Variants in PPFIA2 observed in about 807,000 individuals in gnomAD.
The protein encoded by PPFIA2 is PPFI scaffold protein A2.
PPFIA2 carries 46 observed loss-of-function variants against 175.5 expected under a neutral mutation model. That is an observed-to-expected ratio of 0.26 (90% CI 0.21 to 0.34). PPFIA2 has a LOEUF of 0.34. PPFIA2 is among the 10% of genes least tolerant of loss of function. The pLI is 1.00. For missense variants in PPFIA2, 1,179 were observed against 1,506.1 expected, an observed-to-expected ratio of 0.78 and a Z score of 3.60; for synonymous variants, 568 against 511.4, an observed-to-expected ratio of 1.11 and a Z score of -1.49.
intron 8 of PPFIA2, among the ~76,000 whole-genome samples, chr12:81,395,876 A>G (rs1347739335): frequency 1.3e-5 from 2 of 152,084 alleles, no homozygotes; most frequent in Non-Finnish European, 2.9e-5. Context: ...CTGAATCCAT[A>G]CATATCTCCT....
chr12:81,533,794 T>C (rs2064993072), intron 4 of PPFIA2, among the ~76,000 whole-genome samples: 2 of 151,238 alleles, frequency 1.3e-5, no homozygotes, highest in African/African-American at 4.8e-5. Context: ...AATGTGTGTA[T>C]ATATATGATA....
chr12:81,316,958 G>C (rs183213912), intron 22 of PPFIA2, among the ~76,000 whole-genome samples: 7 of 151,672 alleles, frequency 4.6e-5, no homozygotes, highest in Admixed American at 3.3e-4. Flanking sequence ...ACAGTGCCTG[G>C]AAAGCTATAT....
chr12:81,574,365 T>C (rs2073119789), intron 4 of PPFIA2, among the ~76,000 whole-genome samples: 1 of 151,876 alleles, frequency 6.6e-6, no homozygotes, highest in Non-Finnish European at 1.5e-5. Flanking sequence ...TGAAACATTA[T>C]TGACATTCTC....
chr12:81,267,772 T>A, intron 29 of PPFIA2, 140 bp downstream of exon 29: 3 of 566,932 alleles, frequency 5.3e-6, no homozygotes, highest in East Asian at 4.7e-5. Flanking sequence ...TAGCCTGAAA[T>A]TAAAACCCCA....
At chr12:81,427,830 G>C (rs1328842206) in intron 7 of PPFIA2, among the ~76,000 whole-genome samples, 1 of 151,906 alleles carries the variant, frequency 6.6e-6, no homozygotes, top group Non-Finnish European at 1.5e-5. Flanking sequence ...CGACTTCTTT[G>C]AAAGATACGT....
intron 11 of PPFIA2, among the ~76,000 whole-genome samples, chr12:81,374,303 T>C (rs1207746276): frequency 2.0e-5 from 3 of 152,120 alleles, no homozygotes; most frequent in Middle Eastern, 3.2e-3. Flanking sequence ...GCCTGTTAAA[T>C]TGTTATGTCT....
chr12:81,473,262 G>A (rs1226999616), intron 4 of PPFIA2, among the ~76,000 whole-genome samples: 2 of 152,024 alleles, frequency 1.3e-5, no homozygotes, highest in South Asian at 2.1e-4. Context: ...ACAAAAATTA[G>A]CTGGGCATGA....
intron 5 of PPFIA2, among the ~76,000 whole-genome samples, chr12:81,451,453 C>T (rs1476855875): frequency 1.3e-5 from 2 of 152,014 alleles, no homozygotes; most frequent in African/African-American, 4.8e-5. Context: ...GCAGAGGCTG[C>T]GTGTTTCTGG....
chr12:81,439,148 TCTCTCTCTCTCTCTCTCC>T, intron 7 of PPFIA2, among the ~76,000 whole-genome samples: 1 of 148,262 alleles, frequency 6.7e-6, no homozygotes, highest in Non-Finnish European at 1.5e-5. Context: ...AGGTTAAACT[TCTCTCTCTCTCTCTCTCC>T]CTCTCTCTCT....
At chr12:81,375,639 T>C (rs2036187300) in intron 10 of PPFIA2, 157 bp downstream of exon 10, 2 of 739,832 alleles carry the variant, frequency 2.7e-6, no homozygotes. Context: ...AAAGTAAATT[T>C]CACACTGAAA....
intron 3 of PPFIA2, among the ~76,000 whole-genome samples, chr12:81,707,222 G>C (rs1169734413): frequency 2.6e-5 from 4 of 152,178 alleles, no homozygotes; most frequent in Non-Finnish European, 5.9e-5. Flanking sequence ...ACTACCATCA[G>C]AGTGAACAGG....
chr12:81,369,359 G>T (rs1193279555), intron 11 of PPFIA2, 165 bp from the exon 12 acceptor site: 1 of 1,472,302 alleles, frequency 6.8e-7, no homozygotes, highest in African/African-American at 1.4e-5. Context: ...TGCTTGAAAT[G>T]TGTCAGCTAC....
chr12:81,736,718 G>A (rs1362400418), intron 3 of PPFIA2, among the ~76,000 whole-genome samples: 1 of 151,942 alleles, frequency 6.6e-6, no homozygotes, highest in East Asian at 1.9e-4. Context: ...AAATGGACAT[G>A]TTTATTTTAA....
intron 4 of PPFIA2, among the ~76,000 whole-genome samples, chr12:81,571,286 A>C (rs1006802139): frequency 6.6e-6 from 1 of 152,128 alleles, no homozygotes; most frequent in Admixed American, 6.6e-5. Context: ...TCTTGGCATT[A>C]AACTTGTCTT....
rs955909343 is a variant in PPFIA2 at position 81,742,688 on chromosome 12, A to G, written c.249+11285T>C. Among the ~76,000 whole-genome samples the G allele has an allele frequency of 2.0e-5, 3 of 152,224 alleles. No homozygotes were observed. In the East Asian group the frequency reaches 5.8e-4, roughly 29 times the overall value. ...TATTTAAAGCCAGCAGATGGATGAC[A>G]TTATCAATAGTGTCAATAGAGATAG... On this transcript the variant is annotated intron_variant, in intron 3 of 32. Coordinates refer to ENST00000549396, the MANE Select transcript of PPFIA2 (RefSeq NM_003625.5).
rs996757491 is a variant in PPFIA2 at position 81,277,565 on chromosome 12, G to A, written c.3213-151C>T. ...TGCAGCCAAATCCTTCAGTATTGGA[G>A]GGAAATACATTTATAATTATTCTAA... On this transcript the variant is annotated intron_variant, in intron 27 of 32. Transcript: ENST00000549396. 9 of 823,650 alleles carry A rather than the reference G, an allele frequency of 1.1e-5. No individual in the cohort carries two copies. In the African/African-American group the frequency reaches 1.4e-4, roughly 13 times the overall value. 51.0% of individuals were successfully genotyped at this position (823,650 alleles called of 1,614,324 possible). A position where few individuals can be genotyped will look rare whatever the true frequency, so the allele number is the denominator to read the frequency against.
intron 3 of PPFIA2, among the ~76,000 whole-genome samples, chr12:81,714,552 T>TA (rs2078343285): frequency 6.6e-6 from 1 of 150,988 alleles, no homozygotes; most frequent in Admixed American, 6.8e-5. Flanking sequence ...CGTTGTGAAT[T>TA]ATATTGAATG....
chr12:81,428,874 T>C (rs948065669), intron 7 of PPFIA2, among the ~76,000 whole-genome samples: 1 of 152,042 alleles, frequency 6.6e-6, no homozygotes, highest in Non-Finnish European at 1.5e-5. Flanking sequence ...TCAGACAGTT[T>C]TGCATTATCT....
chr12:81,481,546 A>G lies in PPFIA2; in HGVS notation c.304-23680T>C, dbSNP rs971662652. ...ATGGTACTGGTACCAAAAAAAATACATAGACCAATGGAACAGAACAGAAGC... is the reference window on the plus strand; with the variant it reads ...ATGGTACTGGTACCAAAAAAAATACGTAGACCAATGGAACAGAACAGAAGC... On this transcript the variant is annotated intron_variant, in intron 4 of 32. Coordinates refer to ENST00000549396, the MANE Select transcript of PPFIA2 (RefSeq NM_003625.5). Among the ~76,000 whole-genome samples the G allele has an allele frequency of 3.9e-5, 6 of 152,306 alleles. No homozygotes were observed. In the South Asian group the frequency reaches 8.3e-4, roughly 21 times the overall value.
Sources: allele counts gnomAD v4.1 joint callset (sites outside exome capture counted in the v4.1 genomes callset), GRCh38; gene constraint gnomAD v4.1.1; transcripts MANE v1.5; gene names NCBI Gene and HGNC (gene_info 2026-07-23, HGNC 2026-07-21).